The following ARMH3 variants were observed in gnomAD, a reference collection of about 807,000 sequenced individuals.
ARMH3 encodes armadillo-like helical domain-containing protein 3.
A neutral mutation model predicts 99.1 loss-of-function variants in ARMH3; 60 were observed. The ratio of observed to expected loss-of-function variants is 0.61; its 90% CI spans 0.49 to 0.75. The LOEUF (loss-of-function observed/expected upper bound fraction) is 0.75, where lower values mean the gene tolerates loss of function less well. Among genes scored for constraint, ARMH3 ranks in the 30% least tolerant of loss-of-function variants. The probability of loss-of-function intolerance (pLI) is 0.00; values close to 1 mark genes in which losing one functional copy is unlikely to be tolerated. For synonymous variants in ARMH3, 285 were observed against 292.8 expected (o/e 0.97, Z 0.27); for missense variants, 679 against 843.1 (o/e 0.81, Z 2.41).
intron 23 of ARMH3, among the ~76,000 whole-genome samples, chr10:101,896,144 T>C (rs1156496208): frequency 6.6e-6 from 1 of 152,040 alleles, no homozygotes; most frequent in Non-Finnish European, 1.5e-5. Flanking sequence ...GGTGGGCAGA[T>C]CACTTGAGCC....
At chr10:101,914,684 G>A (rs576469795) in intron 23 of ARMH3, among the ~76,000 whole-genome samples, 57 of 150,516 alleles carry the variant, frequency 3.8e-4, no homozygotes, top group Non-Finnish European at 6.2e-4. Flanking sequence ...TGGCCAACAT[G>A]GTGAAACCCC....
At chr10:101,959,090 A>G (rs1845167853) in intron 20 of ARMH3, among the ~76,000 whole-genome samples, 1 of 152,226 alleles carries the variant, frequency 6.6e-6, no homozygotes, top group South Asian at 2.1e-4. Context: ...CATAATGAAA[A>G]GGCAAATGAT....
chr10:101,885,321 A>C (rs2067514437), intron 24 of ARMH3, among the ~76,000 whole-genome samples: 1 of 152,236 alleles, frequency 6.6e-6, no homozygotes, highest in South Asian at 2.1e-4. Flanking sequence ...TCCAACACAT[A>C]GTTGTAATAC....
intron 9 of ARMH3, among the ~76,000 whole-genome samples, chr10:102,013,138 G>C (rs995019390): frequency 6.6e-6 from 1 of 152,184 alleles, no homozygotes; most frequent in African/African-American, 2.4e-5. Context: ...AGCCCAGATT[G>C]TTGACAATTT....
chr10:101,939,319 T>C (rs1844131653), intron 23 of ARMH3, among the ~76,000 whole-genome samples: 1 of 152,202 alleles, frequency 6.6e-6, no homozygotes, highest in Non-Finnish European at 1.5e-5. Context: ...CACCTGTGCA[T>C]GGGTGGTGCC....
At chr10:101,894,097 A>G (rs1411944057) in intron 23 of ARMH3, among the ~76,000 whole-genome samples, 3 of 152,238 alleles carry the variant, frequency 2.0e-5, no homozygotes, top group Admixed American at 2.0e-4. Flanking sequence ...GTCTAGATTC[A>G]GTTAGTAGTC....
chr10:101,988,865 G>A (rs1238398391), intron 19 of ARMH3, among the ~76,000 whole-genome samples: 1 of 145,388 alleles, frequency 6.9e-6, no homozygotes, highest in Non-Finnish European at 1.5e-5. Context: ...AGAGGTTGCA[G>A]TGAGCTGAGA....
At chr10:101,978,252 C>T (rs956383193) in intron 19 of ARMH3, among the ~76,000 whole-genome samples, 1 of 149,896 alleles carries the variant, frequency 6.7e-6, no homozygotes, top group African/African-American at 2.5e-5. Flanking sequence ...TCATTACACA[C>T]ATGTTCCAGA....
At chr10:101,982,821 A>G (rs1450785623) in intron 19 of ARMH3, among the ~76,000 whole-genome samples, 1 of 152,088 alleles carries the variant, frequency 6.6e-6, no homozygotes, top group Non-Finnish European at 1.5e-5. Flanking sequence ...GCAGGAAAAC[A>G]AGCTTAAGGC....
At position 101,846,422 on chromosome 10, in the gene ARMH3, TGAG is replaced by T. The variant is rs566552131; in HGVS notation, c.*1103_*1105del. ...AAGGGAACCAGCAAAGTAGGCACCTTGAGGGCTCCAGAAAGCCTGTCAATGTTT... is the reference window on the plus strand; with the variant it reads ...AAGGGAACCAGCAAAGTAGGCACCTTGGCTCCAGAAAGCCTGTCAATGTTT... On this transcript the variant is annotated 3_prime_UTR_variant, in exon 26 of 26. Transcript: ENST00000370033. The T allele has an allele frequency of 7.2e-4, 110 of 152,284 alleles. 1 individual carries two copies. Among genetic ancestry groups the T allele is most frequent in the Admixed American group, 2.9e-3 (44 of 15,298 alleles). The allele number at this position is 152,284 out of a possible 1,614,324, so 9.4% of individuals were successfully genotyped here. A position where few individuals can be genotyped will look rare whatever the true frequency, so the allele number is the denominator to read the frequency against.
intron 10 of ARMH3, 27 bp downstream of exon 10, chr10:102,012,806 C>G: frequency 6.3e-7 from 1 of 1,592,566 alleles, no homozygotes; most frequent in Non-Finnish European, 8.6e-7. Context: ...AATCAGACCC[C>G]CTTCCATTCT....
intron 2 of ARMH3, among the ~76,000 whole-genome samples, chr10:102,036,610 C>G (rs1163146718): frequency 6.6e-6 from 1 of 151,992 alleles, no homozygotes; most frequent in African/African-American, 2.4e-5. Flanking sequence ...GTGCTGTGTC[C>G]ACTCAGGGTT....
At chr10:101,862,954 A>G (rs1264421130) in intron 24 of ARMH3, among the ~76,000 whole-genome samples, 1 of 152,246 alleles carries the variant, frequency 6.6e-6, no homozygotes, top group Non-Finnish European at 1.5e-5. Flanking sequence ...CTGTAATCCC[A>G]GCACTTTGGG....
At chr10:101,855,193 A>G (rs373848597) in intron 24 of ARMH3, among the ~76,000 whole-genome samples, 1 of 128,886 alleles carries the variant, frequency 7.8e-6, no homozygotes, top group African/African-American at 3.0e-5. Context: ...TCAGCCTCCC[A>G]AGTAGCTGGG....
At chr10:101,924,899 C>T (rs910745092) in intron 23 of ARMH3, among the ~76,000 whole-genome samples, 24 of 151,940 alleles carry the variant, frequency 1.6e-4, no homozygotes, top group African/African-American at 4.6e-4. Flanking sequence ...GAGGCTGAGG[C>T]GGGAGGATTG....
intron 20 of ARMH3, among the ~76,000 whole-genome samples, chr10:101,959,126 CTGTT>C (rs1347218330): frequency 6.6e-6 from 1 of 152,340 alleles, no homozygotes; most frequent in East Asian, 1.9e-4. Flanking sequence ...TTAATGGTGT[CTGTT>C]AAGTGATCAA....
intron 23 of ARMH3, among the ~76,000 whole-genome samples, chr10:101,931,133 T>C (rs1459237643): frequency 1.3e-5 from 2 of 152,136 alleles, no homozygotes; most frequent in Admixed American, 6.5e-5. Flanking sequence ...TGGAAATATG[T>C]AGGAAAAAAC....
intron 20 of ARMH3, among the ~76,000 whole-genome samples, 163 bp downstream of exon 20, chr10:101,975,049 T>TAAAAAAAAAAAAAAAA (rs11399489): frequency 1.5e-3 from 43 of 29,644 alleles, no homozygotes; most frequent in Non-Finnish European, 1.9e-3. Context: ...AGCTAAAACG[T>TAAAAAAAAAAAAAAAA]AAAAAAAAAA....
intron 19 of ARMH3, among the ~76,000 whole-genome samples, chr10:101,979,644 TA>T (rs1310226051): frequency 2.6e-5 from 4 of 152,122 alleles, no homozygotes; most frequent in East Asian, 1.9e-4. Flanking sequence ...TAAAGCTGCT[TA>T]AAAAAAACTC....
Sources: gnomAD v4.1 joint callset for allele counts (sites outside exome capture counted in the v4.1 genomes callset) on GRCh38, gnomAD v4.1.1 for gene constraint, MANE v1.5 for transcripts, NCBI Gene and HGNC (gene_info 2026-07-23, HGNC 2026-07-21) for gene names.